The following POLR3B variants were observed in gnomAD, a reference collection of about 807,000 sequenced individuals.
POLR3B encodes the protein RNA polymerase III subunit B.
A neutral mutation model predicts 147.4 loss-of-function variants in POLR3B; 96 were observed. The ratio of observed to expected loss-of-function variants is 0.65; its 90% confidence interval spans 0.55 to 0.77. POLR3B has a LOEUF of 0.77. Among genes scored for constraint, POLR3B ranks in the 30% least tolerant of loss-of-function variants. The probability of loss-of-function intolerance (pLI) is 0.00; values close to 1 mark genes in which losing one functional copy is unlikely to be tolerated. For synonymous variants in POLR3B, 461 were observed against 485.9 expected (o/e 0.95, Z 0.67); for missense variants, 1,036 against 1,413.5 (o/e 0.73, Z 4.28).
intron 20 of POLR3B, 52 bp downstream of exon 20, chr12:106,454,763 A>G (rs1009684292): frequency 6.5e-6 from 6 of 917,402 alleles, no homozygotes; most frequent in Admixed American, 3.4e-5. Flanking sequence ...AGAATTAGAT[A>G]TAGGGATGAT....
intron 23 of POLR3B, 180 bp from the exon 24 acceptor site, chr12:106,495,875 T>TG: frequency 5.7e-6 from 4 of 703,000 alleles, no homozygotes; most frequent in Non-Finnish European, 7.8e-6. Context: ...AGGAGAGTCG[T>TG]TTTTGAACTG....
chr12:106,430,543 G>T lies in POLR3B; in HGVS notation c.1464+70G>T. Reference sequence around the variant, plus strand: ...TATGTCTGTGCATGGGGTGGGGTGGGGAGGTCTGCTTCTGTTCCCATCTCC... The same window carrying T: ...TATGTCTGTGCATGGGGTGGGGTGGTGAGGTCTGCTTCTGTTCCCATCTCC... On this transcript the variant is annotated intron_variant, in intron 14 of 27. Coordinates refer to ENST00000228347, the MANE Select transcript of POLR3B (RefSeq NM_018082.6). The T allele has an allele frequency of 3.2e-6, 4 of 1,259,096 alleles. No individual in the cohort carries two copies. In the South Asian group the frequency reaches 4.8e-5, roughly 15 times the overall value. 78.0% of individuals were successfully genotyped at this position (1,259,096 alleles called of 1,614,324 possible). A position where few individuals can be genotyped will look rare whatever the true frequency, so the allele number is the denominator to read the frequency against.
chr12:106,376,405 A>G lies in POLR3B; in HGVS notation c.451A>G (p.Thr151Ala), dbSNP rs1166720033. The G allele has an allele frequency of 1.2e-6, 2 of 1,613,544 alleles. No individual in the cohort carries two copies. The highest frequency in any genetic ancestry group is 1.7e-6 in the Non-Finnish European group (2 of 1,179,886). Residue 151 changes from threonine to alanine, a missense_variant, in exon 7 of 28, where the codon ACG becomes GCG. By Grantham distance (58) the Thr-to-Ala change is moderately conservative. Coordinates refer to ENST00000228347, the MANE Select transcript of POLR3B (RefSeq NM_018082.6). Reference sequence around the variant, plus strand: ...TTCAAACTGTGTTCTTACAGGAAAAACGCCAGCAGAATTTGCCAAACTGAA... The same window carrying G: ...TTCAAACTGTGTTCTTACAGGAAAAGCGCCAGCAGAATTTGCCAAACTGAA... ...RSSNCVLTGK[T>A]PAEFAKLNEC...
chr12:106,361,600 G>T (rs146780051), intron 1 of POLR3B, among the ~76,000 whole-genome samples: 39 of 152,272 alleles, frequency 2.6e-4, no homozygotes, highest in African/African-American at 8.9e-4. Context: ...GTGGTAACAG[G>T]ATAGACAGGG....
intron 12 of POLR3B, among the ~76,000 whole-genome samples, chr12:106,421,440 A>G (rs945009276): frequency 2.0e-5 from 3 of 152,108 alleles, no homozygotes; most frequent in Admixed American, 6.5e-5. Flanking sequence ...CTTACTATCA[A>G]ACTTTTAAGT....
In POLR3B at chr12:106,504,314, G is replaced by A. The variant is rs1475500895; in HGVS notation, c.3272+60G>A. On this transcript the variant is annotated intron_variant, in intron 27 of 27. Transcript: ENST00000228347. This position sits in a 1 kb window ranked among gnomAD's most constrained non-coding sequence, Gnocchi z 4.6. ...CCTTGCCTCTTAAATCACAGCTCAA[G>A]AATTGACCCTGGATCCTATCCGCAT... 2.9e-6 allele frequency: 4 copies of A among 1,373,440 alleles called. No homozygotes were observed. The highest frequency in any genetic ancestry group is 4.2e-6 in the Non-Finnish European group (4 of 960,666). 85.1% of individuals were successfully genotyped at this position (1,373,440 alleles called of 1,614,324 possible).
At chr12:106,448,948 G>A (rs1282276789) in intron 19 of POLR3B, among the ~76,000 whole-genome samples, 1 of 151,918 alleles carries the variant, frequency 6.6e-6, no homozygotes, top group African/African-American at 2.4e-5. Flanking sequence ...TGTGGATCAC[G>A]ATCAGGCTGC....
Position 106,375,445 on chromosome 12 carries a change from T to A in POLR3B, c.405-914T>A, listed in dbSNP as rs567310428. ...TGTGTATTTTCGCCATCTAGAAGTC[T>A]GATTAGGTGTTGATTAGTCGCTCTC... On this transcript the variant is annotated intron_variant, in intron 6 of 27. Transcript: ENST00000228347. Among the ~76,000 whole-genome samples the A allele has an allele frequency of 7.2e-5, 11 of 152,334 alleles. No individual in the cohort carries two copies. In the East Asian group the frequency reaches 2.1e-3, roughly 29 times the overall value.
chr12:106,371,468 T>G (rs1228526120), intron 6 of POLR3B, among the ~76,000 whole-genome samples: 1 of 151,670 alleles, frequency 6.6e-6, no homozygotes, highest in Non-Finnish European at 1.5e-5. Flanking sequence ...TAAATCATGC[T>G]GCTATAAAGA....
chr12:106,409,365 TTTTTTTC>T lies in POLR3B; in HGVS notation c.967-1458_967-1452del, dbSNP rs1230662211. Reference sequence around the variant, plus strand: ...AAGAGGGTTTTTTTTGTTTTTTTTTTTTTTTTCTTGAGGATGGACAAGAGCCTTTTCT... The same window carrying T: ...AAGAGGGTTTTTTTTGTTTTTTTTTTTTGAGGATGGACAAGAGCCTTTTCT... On this transcript the variant is annotated intron_variant, in intron 11 of 27. Coordinates refer to ENST00000228347, the MANE Select transcript of POLR3B (RefSeq NM_018082.6). 4.1e-5 allele frequency among the ~76,000 whole-genome samples: 6 copies of T among 146,236 alleles called. 1 individual carries two copies. The highest frequency in any genetic ancestry group is 1.5e-4 in the African/African-American group (6 of 39,022).
chr12:106,395,519 C>T lies in POLR3B; in HGVS notation c.846+2366C>T, dbSNP rs145126064. On this transcript the variant is annotated intron_variant, in intron 10 of 27. Transcript: ENST00000228347. ...GCTAAATCAGACATGAGAAATCCATCCCCATGATCCAGCCACCACCCACCA... is the reference window on the plus strand; with the variant it reads ...GCTAAATCAGACATGAGAAATCCATTCCCATGATCCAGCCACCACCCACCA... 3.9e-5 allele frequency among the ~76,000 whole-genome samples: 6 copies of T among 152,250 alleles called. No homozygotes were observed. The East Asian group carries it at 1.2e-3, about 29-fold the overall frequency.
At chr12:106,372,333 GTTT>G (rs61642813) in intron 6 of POLR3B, among the ~76,000 whole-genome samples, 3 of 125,960 alleles carry the variant, frequency 2.4e-5, no homozygotes, top group Admixed American at 8.6e-5. Context: ...GTGTGTGTGT[GTTT>G]TTTTTTTTTT....
intron 1 of POLR3B, among the ~76,000 whole-genome samples, chr12:106,358,483 G>GA (rs1397452250): frequency 6.6e-6 from 1 of 152,166 alleles, no homozygotes; most frequent in Non-Finnish European, 1.5e-5. Flanking sequence ...CTGGGGGAGA[G>GA]ACTCCACAGC....
chr12:106,369,252 T>C (rs2036571795), intron 4 of POLR3B, 23 bp from the exon 5 acceptor site: 6 of 1,284,588 alleles, frequency 4.7e-6, no homozygotes, highest in Non-Finnish European at 6.8e-6. Context: ...GTATAATTCA[T>C]ACCGCACTAA....
intron 12 of POLR3B, among the ~76,000 whole-genome samples, chr12:106,414,166 T>A (rs1414460953): frequency 6.8e-6 from 1 of 146,618 alleles, no homozygotes; most frequent in Non-Finnish European, 1.5e-5. Context: ...ACATCACCAG[T>A]TAAATTATGA....
chr12:106,376,531 A>G, intron 7 of POLR3B, 81 bp downstream of exon 7: 1 of 989,530 alleles, frequency 1.0e-6, no homozygotes. Flanking sequence ...TTTTGTCTCA[A>G]AAACAGTACC....
intron 23 of POLR3B, among the ~76,000 whole-genome samples, chr12:106,478,639 C>G (rs1372672760): frequency 6.6e-6 from 1 of 151,850 alleles, no homozygotes; most frequent in Non-Finnish European, 1.5e-5. Flanking sequence ...AGCAAACAAA[C>G]AAAAAGTAGG....
In POLR3B at chr12:106,430,589, T is replaced by C. The variant is rs559941090; in HGVS notation, c.1464+116T>C. On this transcript the variant is annotated intron_variant, in intron 14 of 27. Coordinates refer to ENST00000228347, the MANE Select transcript of POLR3B (RefSeq NM_018082.6). The stretch of plus-strand genomic sequence containing the variant: ...TCTCCAGGCCATATCCTTTCTTTGG[T>C]CTGTCATTTATCTGGCAAATAAATA... 11 of 782,798 alleles carry C rather than the reference T, an allele frequency of 1.4e-5. No individual in the cohort carries two copies. In the African/African-American group the frequency reaches 1.5e-4, roughly 11 times the overall value. The allele number at this position is 782,798 out of a possible 1,614,324, so 48.5% of individuals were successfully genotyped here.
Position 106,509,625 on chromosome 12 carries a change from C to T in POLR3B, c.*76C>T, listed in dbSNP as rs754054633. The T allele has an allele frequency of 3.6e-5, 48 of 1,316,380 alleles. No individual in the cohort carries two copies. In the Admixed American group the frequency reaches 3.8e-4, roughly 10 times the overall value. 81.5% of individuals were successfully genotyped at this position (1,316,380 alleles called of 1,614,324 possible). A position where few individuals can be genotyped will look rare whatever the true frequency, so the allele number is the denominator to read the frequency against. ...GGAAAGCAGAAGGGATTTAGGACTA[C>T]GTCTCCTCCTGTGAAGAATTCCCTT... On this transcript the variant is annotated 3_prime_UTR_variant, in exon 28 of 28. Coordinates refer to ENST00000228347, the MANE Select transcript of POLR3B (RefSeq NM_018082.6).
Sources: gnomAD v4.1 joint callset for allele counts (sites outside exome capture counted in the v4.1 genomes callset) on GRCh38, gnomAD v4.1.1 for gene constraint, Gnocchi (gnomAD v3.1) non-coding constraint, MANE v1.5 for transcripts, NCBI Gene and HGNC (gene_info 2026-07-23, HGNC 2026-07-21) for gene names.